Variants in COL18A1 observed in about 807,000 individuals in gnomAD.
The protein encoded by COL18A1 is collagen type XVIII alpha 1 chain.
COL18A1 carries 133 observed loss-of-function variants against 168.0 expected under a neutral mutation model. The observed-to-expected ratio is 0.79, with a 90% CI of 0.69 to 0.91. COL18A1 has a LOEUF of 0.91. Among genes scored for constraint, COL18A1 ranks in the 40% least tolerant of loss-of-function variants. The pLI, the probability that COL18A1 is intolerant of heterozygous loss-of-function variation, is 0.00. For missense variants in COL18A1, 2,126 were observed against 1,925.4 expected (o/e 1.10, Z -1.95); for synonymous variants, 949 against 809.0 (o/e 1.17, Z -2.94).
chr21:45,405,535 G>A, intron 2 of COL18A1, 62 bp downstream of exon 2: 1 of 1,080,742 alleles, frequency 9.3e-7, no homozygotes, highest in African/African-American at 1.7e-5. Context: ...CGCCCTGGCT[G>A]GGGTCCCCGC....
chr21:45,488,082 G>A (rs2036178227), intron 17 of COL18A1, among the ~76,000 whole-genome samples: 1 of 152,194 alleles, frequency 6.6e-6, no homozygotes, highest in African/African-American at 2.4e-5. Context: ...GCGCCAGCAT[G>A]GAGGAGCCCC....
chr21:45,433,964 C>T (rs566622859), intron 2 of COL18A1, among the ~76,000 whole-genome samples: 5 of 151,782 alleles, frequency 3.3e-5, no homozygotes, highest in African/African-American at 4.8e-5. Context: ...CCATCAGGGG[C>T]GGAGGGGAAT....
At chr21:45,417,383 G>A (rs964314818) in intron 2 of COL18A1, among the ~76,000 whole-genome samples, 5 of 152,218 alleles carry the variant, frequency 3.3e-5, no homozygotes, top group East Asian at 1.9e-4. Flanking sequence ...ATTGGCCCCC[G>A]AACGTGCCTG....
At chr21:45,506,547 G>A in intron 37 of COL18A1, 1 of 197,196 alleles carries the variant, frequency 5.1e-6, no homozygotes, top group Non-Finnish European at 1.1e-5. Flanking sequence ...TGGCCGCTCT[G>A]ATCCAGGTGG....
At chr21:45,486,379 C>A (rs1602520012) in intron 15 of COL18A1, among the ~76,000 whole-genome samples, 1 of 126,584 alleles carries the variant, frequency 7.9e-6, no homozygotes, top group African/African-American at 3.7e-5. Flanking sequence ...CCTCTCCTCT[C>A]TCCTCTCTTC....
At chr21:45,437,119 A>ACAGACT (rs2034130618) in intron 2 of COL18A1, among the ~76,000 whole-genome samples, 1 of 113,518 alleles carries the variant, frequency 8.8e-6, no homozygotes, top group African/African-American at 3.9e-5. Context: ...ACACTCACAC[A>ACAGACT]CAGACACACA....
intron 29 of COL18A1, 178 bp from the exon 30 acceptor site, chr21:45,496,322 C>T (rs1199422095): frequency 8.4e-6 from 6 of 716,632 alleles, no homozygotes; most frequent in Admixed American, 6.0e-5. Flanking sequence ...GGGGCCGGGG[C>T]CAGTTCCTGT....
At chr21:45,480,020 G>A (rs757268917) in intron 10 of COL18A1, 50 bp from the exon 11 acceptor site, 2 of 1,613,160 alleles carry the variant, frequency 1.2e-6, no homozygotes, top group Non-Finnish European at 1.7e-6. Context: ...GGCTCAAGGT[G>A]GGGGCTGTGT....
rs1303516398 is a variant in COL18A1 at position 45,443,024 on chromosome 21, T to C, written c.107-25218T>C. 1.9e-4 allele frequency among the ~76,000 whole-genome samples: 23 copies of C among 121,262 alleles called. 2 individuals are homozygous for C. Among genetic ancestry groups the C allele is most frequent in the African/African-American group, 7.7e-4 (22 of 28,690 alleles). The allele number at this position is 121,262 out of a possible 152,430, so 79.6% of individuals were successfully genotyped here. A position where few individuals can be genotyped will look rare whatever the true frequency, so the allele number is the denominator to read the frequency against. On this transcript the variant is annotated intron_variant, in intron 2 of 41. Coordinates refer to ENST00000651438, the MANE Select transcript of COL18A1 (RefSeq NM_001379500.1). This position sits in a 1 kb window ranked among gnomAD's most constrained non-coding sequence, Gnocchi z 5.2. ...GCGGCGGTGCTGATGTGGGTGGTGG[T>C]GGTGCTGATGTGGGCGGCGGTGCTG...
chr21:45,510,254 A>T lies in COL18A1; in HGVS notation c.3686A>T (p.Asn1229Ile). Residue 1229 changes from asparagine to isoleucine, a missense_variant, in exon 40 of 42, where the codon AAC (asparagine) becomes ATC (isoleucine). Transcript: ENST00000651438. ...RADRAAVPIV[N>I]LKDELLFPSW... ...GACCGCGCAGCCGTGCCCATCGTCA[A>T]CCTCAAGGTGGGTCAGTCCAGTCCT... The T allele has an allele frequency of 1.9e-6, 3 of 1,604,342 alleles. No individual in the cohort carries two copies. Among genetic ancestry groups the T allele is most frequent in the Non-Finnish European group, 2.6e-6 (3 of 1,176,160 alleles).
intron 32 of COL18A1, among the ~76,000 whole-genome samples, chr21:45,503,675 T>C (rs556386512): frequency 1.8e-4 from 27 of 148,376 alleles, no homozygotes; most frequent in Admixed American, 5.3e-4. Context: ...TTGGGAGATA[T>C]ACCTAATGCT....
chr21:45,497,027 C>T, intron 30 of COL18A1, 23 bp from the exon 31 acceptor site: 1 of 1,587,902 alleles, frequency 6.3e-7, no homozygotes, highest in Non-Finnish European at 8.6e-7. Flanking sequence ...CCCTCAGCAG[C>T]CGCCTCTCCC....
chr21:45,487,556 G>A (rs550237628), intron 17 of COL18A1, 47 bp downstream of exon 17: 3 of 1,606,768 alleles, frequency 1.9e-6, no homozygotes, highest in Admixed American at 1.7e-5. Flanking sequence ...GTAAGGGGGT[G>A]TTGCCTGGGG....
intron 3 of COL18A1, among the ~76,000 whole-genome samples, chr21:45,472,359 G>T (rs1011250800): frequency 1.3e-5 from 2 of 152,162 alleles, no homozygotes; most frequent in Non-Finnish European, 2.9e-5. Flanking sequence ...AAGTAGCTGG[G>T]ACTACAGGCG....
chr21:45,498,302 T>C lies in COL18A1; in HGVS notation c.2683+641T>C, dbSNP rs1363545119. 3 of 705,808 alleles carry C rather than the reference T, an allele frequency of 4.3e-6. No homozygotes were observed. Among genetic ancestry groups the C allele is most frequent in the Non-Finnish European group, 5.2e-6 (2 of 383,982 alleles). 43.7% of individuals were successfully genotyped at this position (705,808 alleles called of 1,614,324 possible). ...GGCGCCTTTCACCACCAGGGTCCCC[T>C]CTCGCCGCCACGGTCCCCTCTCGCC... On this transcript the variant is annotated intron_variant, in intron 32 of 41. Transcript: ENST00000651438. The surrounding 1 kb of genome is among the most constrained non-coding windows in gnomAD (Gnocchi z 4.5).
At chr21:45,502,201 T>TG (rs1267089108) in intron 32 of COL18A1, among the ~76,000 whole-genome samples, 1 of 152,180 alleles carries the variant, frequency 6.6e-6, no homozygotes, top group East Asian at 1.9e-4. Flanking sequence ...TCCTGTGGGA[T>TG]GGGGGGCCCT....
At chr21:45,462,496 T>C (rs1390555285) in intron 2 of COL18A1, among the ~76,000 whole-genome samples, 1 of 152,226 alleles carries the variant, frequency 6.6e-6, no homozygotes, top group Non-Finnish European at 1.5e-5. Context: ...ATCTTCAAGC[T>C]CATTAATTTA....
chr21:45,495,482 G>C (rs1451896410), intron 29 of COL18A1, 50 bp downstream of exon 29: 1 of 1,484,716 alleles, frequency 6.7e-7, no homozygotes, highest in East Asian at 2.4e-5. Flanking sequence ...CCAGGACCTG[G>C]GAATGGCCTG....
intron 2 of COL18A1, among the ~76,000 whole-genome samples, chr21:45,450,479 A>T (rs7279692): frequency 6.6e-6 from 1 of 152,232 alleles, no homozygotes. Context: ...TGGGGCCTTC[A>T]GCCCGGAAAT....
Sources: gnomAD v4.1 joint callset for allele counts (sites outside exome capture counted in the v4.1 genomes callset) on GRCh38, gnomAD v4.1.1 for gene constraint, Gnocchi (gnomAD v3.1) non-coding constraint, MANE v1.5 for transcripts, NCBI Gene and HGNC (gene_info 2026-07-23, HGNC 2026-07-21) for gene names.